The following ARHGEF9 variants were observed in gnomAD, a reference collection of about 807,000 sequenced individuals.
The protein encoded by ARHGEF9 is rho guanine nucleotide exchange factor 9.
A neutral mutation model predicts 41.3 loss-of-function variants in ARHGEF9; 2 were observed. That is an observed-to-expected ratio of 0.05 (90% confidence interval 0.02 to 0.15). The LOEUF is 0.15. Ranked by LOEUF, ARHGEF9 falls within the 10% of genes least tolerant of loss-of-function variation. ARHGEF9 has a pLI of 1.00. For missense variants in ARHGEF9, 225 were observed against 424.7 expected (o/e 0.53, Z 4.13); for synonymous variants, 160 against 154.4 (o/e 1.04, Z -0.27).
chrX:63,691,585 A>G (rs1405979532), intron 4 of ARHGEF9, among the ~76,000 whole-genome samples: 1 of 111,563 alleles, frequency 9.0e-6, no homozygotes, highest in East Asian at 2.8e-4. Context: ...GCAATTAATT[A>G]ATATTAAATT....
intron 1 of ARHGEF9, among the ~76,000 whole-genome samples, chrX:63,757,151 A>G (rs1467385410): frequency 9.0e-6 from 1 of 111,202 alleles, no homozygotes; most frequent in Non-Finnish European, 1.9e-5. Flanking sequence ...AGTTCTTCTG[A>G]TTGCAGTCCC....
chrX:63,775,612 G>A (rs1319627223), intron 1 of ARHGEF9, among the ~76,000 whole-genome samples: 1 of 112,019 alleles, frequency 8.9e-6, no homozygotes, highest in East Asian at 2.8e-4. Flanking sequence ...TTACAAGTGT[G>A]AGATAAACAT....
At chrX:63,730,132 C>T (rs2054193970) in intron 1 of ARHGEF9, among the ~76,000 whole-genome samples, 2 of 110,838 alleles carry the variant, frequency 1.8e-5, no homozygotes, top group Admixed American at 9.6e-5. Flanking sequence ...GCCAGTGGAC[C>T]CTTTCAGTGG....
At chrX:63,679,759 C>G (rs2050496010) in intron 4 of ARHGEF9, among the ~76,000 whole-genome samples, 1 of 112,024 alleles carries the variant, frequency 8.9e-6, no homozygotes, top group Non-Finnish European at 1.9e-5. Context: ...ATATTGAATG[C>G]TTGCCCCTAA....
At chrX:63,643,361 T>A (rs1388374730) in intron 9 of ARHGEF9, among the ~76,000 whole-genome samples, 1 of 91,783 alleles carries the variant, frequency 1.1e-5, no homozygotes, top group Non-Finnish European at 2.1e-5. Context: ...ATCTTTATAC[T>A]TTTTTTTTTT....
At chrX:63,663,405 T>C (rs1237832137) in intron 7 of ARHGEF9, among the ~76,000 whole-genome samples, 1 of 111,617 alleles carries the variant, frequency 9.0e-6, no homozygotes, top group African/African-American at 3.3e-5. Context: ...AGCCACTTCC[T>C]AGGGGTCTTT....
intron 1 of ARHGEF9, among the ~76,000 whole-genome samples, chrX:63,741,623 T>C (rs1361642593): frequency 8.9e-6 from 1 of 112,370 alleles, no homozygotes; most frequent in Admixed American, 9.3e-5. Flanking sequence ...GGTATAGGAG[T>C]GCATGTCCTG....
rs146054626 is a variant in ARHGEF9 at position 63,706,792 on chromosome X, C to T, written c.211-343G>A. On this transcript the variant is annotated intron_variant, in intron 2 of 9. Transcript: ENST00000671741. Reference sequence around the variant, plus strand: ...GCTGTCAAAACACAGCATTTATGCACCTGCAAGTATAGAGGCCAAAGTTAA... The same window carrying T: ...GCTGTCAAAACACAGCATTTATGCATCTGCAAGTATAGAGGCCAAAGTTAA... Among the ~76,000 whole-genome samples, 847 of 112,153 alleles carry T rather than the reference C, an allele frequency of 7.6e-3. 10 individuals carry two copies. The highest frequency in any genetic ancestry group is 0.026 in the African/African-American group (803 of 30,841).
chrX:63,693,563 GAT>G (rs1423753972), intron 4 of ARHGEF9, among the ~76,000 whole-genome samples: 1 of 91,837 alleles, frequency 1.1e-5, no homozygotes, highest in African/African-American at 4.3e-5. Context: ...AGTGAGCTGA[GAT>G]AGCACCACTG....
At chrX:63,784,238 T>G (rs1257000641) in intron 1 of ARHGEF9, among the ~76,000 whole-genome samples, 3 of 111,488 alleles carry the variant, frequency 2.7e-5, no homozygotes, top group African/African-American at 9.8e-5. Context: ...GGCCTCCCAC[T>G]CCCCAGAGGC....
At position 63,692,243 on chromosome X, in the gene ARHGEF9, G is replaced by A. The variant is rs191218214; in HGVS notation, c.582+4882C>T. Among the ~76,000 whole-genome samples, 253 of 111,953 alleles carry A rather than the reference G, an allele frequency of 2.3e-3. 1 individual carries two copies. The highest frequency in any genetic ancestry group is 7.6e-3 in the African/African-American group (234 of 30,923). On this transcript the variant is annotated intron_variant, in intron 4 of 9. Coordinates refer to ENST00000671741, the MANE Select transcript of ARHGEF9 (RefSeq NM_001353921.2). ...AAGCTAAAAAGCTTCTGCACAGCAA[G>A]GGAAACAATCAACAGAGTGAAGCAA... is the stretch of plus-strand genomic sequence containing the variant.
In ARHGEF9 at chrX:63,635,290, G is replaced by A. The variant is rs782419039; in HGVS notation, c.*2738C>T. 5.8e-6 allele frequency: 3 copies of A among 515,420 alleles called. No individual in the cohort carries two copies. Among genetic ancestry groups the A allele is most frequent in the African/African-American group, 2.4e-5 (1 of 42,144 alleles). 42.5% of individuals were successfully genotyped at this position (515,420 alleles called of 1,213,427 possible). ...AGAAATATACACATAGAGAGGGGGG[G>A]AAAAAGAGAGAATAATTAGATGTCT... On this transcript the variant is annotated 3_prime_UTR_variant, in exon 10 of 10. Transcript: ENST00000671741.
intron 1 of ARHGEF9, among the ~76,000 whole-genome samples, chrX:63,752,013 G>GA (rs1171158540): frequency 1.8e-5 from 2 of 111,462 alleles, no homozygotes; most frequent in East Asian, 2.8e-4. Flanking sequence ...CCCCTTGGGG[G>GA]AAAAAAAGTC....
At chrX:63,754,171 A>G in intron 1 of ARHGEF9, 1 of 743,505 alleles carries the variant, frequency 1.3e-6, no homozygotes, top group Non-Finnish European at 2.1e-6. Context: ...TAGATTAAAA[A>G]TGCACACACG....
intron 1 of ARHGEF9, among the ~76,000 whole-genome samples, chrX:63,762,327 G>T (rs1439064698): frequency 8.9e-6 from 1 of 111,902 alleles, no homozygotes; most frequent in Non-Finnish European, 1.9e-5. Flanking sequence ...CAGGTAGGTA[G>T]CCAGGATATG....
chrX:63,719,740 G>A, intron 2 of ARHGEF9: 1 of 297,497 alleles, frequency 3.4e-6, no homozygotes. Flanking sequence ...GCTGGTGCCA[G>A]GAGATAATGA....
At chrX:63,695,673 C>T (rs1556387258) in intron 4 of ARHGEF9, among the ~76,000 whole-genome samples, 1 of 112,136 alleles carries the variant, frequency 8.9e-6, no homozygotes, top group African/African-American at 3.2e-5. Context: ...TTCCCCTTGA[C>T]TGGCATCTTG....
intron 1 of ARHGEF9, among the ~76,000 whole-genome samples, chrX:63,760,264 T>C (rs2056011587): frequency 9.0e-6 from 1 of 110,986 alleles, no homozygotes; most frequent in Non-Finnish European, 1.9e-5. Context: ...TAGTCCCTCA[T>C]GCTTGCTACA....
At chrX:63,646,550 CATT>C (rs1487951486) in intron 8 of ARHGEF9, among the ~76,000 whole-genome samples, 1 of 111,464 alleles carries the variant, frequency 9.0e-6, no homozygotes, top group African/African-American at 3.3e-5. Context: ...AGATATGCAT[CATT>C]ATTTCTGAGG....
Sources: allele counts gnomAD v4.1 joint callset (sites outside exome capture counted in the v4.1 genomes callset), GRCh38; gene constraint gnomAD v4.1.1; transcripts MANE v1.5; gene names NCBI Gene and HGNC (gene_info 2026-07-23, HGNC 2026-07-21).